ZNF536: variants seen among roughly 807,000 people sequenced by gnomAD.
ZNF536 encodes zinc finger protein 536.
ZNF536 carries 13 observed loss-of-function variants against 84.5 expected under a neutral mutation model. The observed-to-expected ratio is 0.15, with a 90% CI of 0.10 to 0.24. The LOEUF (loss-of-function observed/expected upper bound fraction) is 0.24. ZNF536 is among the 10% of genes least tolerant of loss of function. ZNF536 has a pLI of 1.00. For synonymous variants in ZNF536, 811 were observed against 742.5 expected (o/e 1.09, Z -1.50); for missense variants, 1,536 against 1,747.5 (o/e 0.88, Z 2.16).
chr19:30,586,540 C>T (rs1348610984), intron 1 of ZNF536, among the ~76,000 whole-genome samples: 1 of 152,160 alleles, frequency 6.6e-6, no homozygotes, highest in Admixed American at 6.5e-5. Context: ...CTTTTTCTGC[C>T]TTCCTTTCCC....
downstream of ZNF536, chr19:30,558,099 T>C (rs6510168): frequency 0.18 from 26,959 of 147,114 alleles, 2,529 homozygotes; most frequent in African/African-American, 0.23. Flanking sequence ...TTCCGCAACA[T>C]CCCCCTCACC....
intron 1 of ZNF536, among the ~76,000 whole-genome samples, chr19:30,698,306 A>AT (rs1387614143): frequency 6.6e-6 from 1 of 151,450 alleles, no homozygotes. Context: ...AAAAAAAAAA[A>AT]GTTTGCATAG....
intron 1 of ZNF536, chr19:30,284,056 G>C (rs976367105): frequency 2.6e-5 from 4 of 152,196 alleles, no homozygotes; most frequent in Non-Finnish European, 5.9e-5. Context: ...GTTTCTAACA[G>C]GTCTTATTTT....
At chr19:30,452,558 T>C (rs866138303) in intron 2 of ZNF536, among the ~76,000 whole-genome samples, 1 of 152,194 alleles carries the variant, frequency 6.6e-6, no homozygotes, top group Non-Finnish European at 1.5e-5. Context: ...GTGGGTATAC[T>C]TGGAGACCTA....
intron 2 of ZNF536, among the ~76,000 whole-genome samples, chr19:30,532,528 T>C (rs1244940614): frequency 1.3e-5 from 2 of 152,224 alleles, no homozygotes; most frequent in Non-Finnish European, 2.9e-5. Context: ...TCAACAGTGA[T>C]TGGCCTCCTA....
chr19:30,642,669 G>A (rs576664846), intron 1 of ZNF536, among the ~76,000 whole-genome samples: 3 of 152,154 alleles, frequency 2.0e-5, no homozygotes, highest in East Asian at 1.9e-4. Context: ...GGAGGTCCTC[G>A]ACTCTAGCAA....
intron 2 of ZNF536, among the ~76,000 whole-genome samples, chr19:30,517,467 C>T (rs868552043): frequency 6.6e-6 from 1 of 152,152 alleles, no homozygotes; most frequent in Non-Finnish European, 1.5e-5. Flanking sequence ...GCCCATCAAC[C>T]CTTGCTCTTT....
At chr19:30,480,161 A>T (rs2054014615) in intron 2 of ZNF536, among the ~76,000 whole-genome samples, 1 of 152,164 alleles carries the variant, frequency 6.6e-6, no homozygotes, top group African/African-American at 2.4e-5. Flanking sequence ...CATGGTGCCA[A>T]TTTCACGGGA....
chr19:30,381,504 C>G (rs1392103357), intron 1 of ZNF536, among the ~76,000 whole-genome samples: 2 of 152,166 alleles, frequency 1.3e-5, no homozygotes, highest in African/African-American at 4.8e-5. Context: ...GAAGATGGAG[C>G]CAGGCTTCCA....
At chr19:30,599,530 C>T (rs2047608396) in intron 1 of ZNF536, among the ~76,000 whole-genome samples, 1 of 146,230 alleles carries the variant, frequency 6.8e-6, no homozygotes, top group Non-Finnish European at 1.5e-5. Context: ...TTCCCTCCCC[C>T]AGCCCTTGTC....
chr19:30,448,938 G>A (rs961537498), intron 2 of ZNF536, among the ~76,000 whole-genome samples: 2 of 152,228 alleles, frequency 1.3e-5, no homozygotes, highest in Non-Finnish European at 2.9e-5. Flanking sequence ...AATGTGGGAT[G>A]CAGCTGTTTG....
intron 2 of ZNF536, among the ~76,000 whole-genome samples, chr19:30,498,856 T>C (rs1040301664): frequency 6.6e-6 from 1 of 152,006 alleles, no homozygotes; most frequent in Non-Finnish European, 1.5e-5. Flanking sequence ...CCGGGCACTC[T>C]ACCGGGGGCG....
In ZNF536 at chr19:30,687,479, T is replaced by C. The variant is rs1600268757; in HGVS notation, c.170-23278T>C. ...TGAATTTATTTTACTTGGCACTATT[T>C]ACTTAAATATGGTCCGTTGATAAAG... On this transcript the variant is annotated intron_variant, in intron 1 of 1. Transcript: ENST00000592773. Among the ~76,000 whole-genome samples the C allele has an allele frequency of 3.3e-5, 5 of 152,290 alleles. No homozygotes were observed. The Middle Eastern group carries it at 0.017, about 518-fold the overall frequency.
chr19:30,584,297 C>T (rs374041164), intron 1 of ZNF536, among the ~76,000 whole-genome samples: 11 of 152,198 alleles, frequency 7.2e-5, no homozygotes, highest in Admixed American at 2.0e-4. Flanking sequence ...AGGCAGATAA[C>T]GCCTCTTAGC....
Position 30,588,962 on chromosome 19 carries a change from T to C in ZNF536, c.169+39448T>C, listed in dbSNP as rs76569804. Among the ~76,000 whole-genome samples, 315 of 152,256 alleles carry C rather than the reference T, an allele frequency of 2.1e-3. 8 individuals are homozygous for C. In the East Asian group the frequency reaches 0.053, roughly 26 times the overall value. On this transcript the variant is annotated intron_variant, in intron 1 of 1. Transcript: ENST00000592773. ...TAAAGACAAGCATGTTTTGGAAACA[T>C]TGGGATGTGAGGTGTGGCCAAAAGA...
intron 1 of ZNF536, among the ~76,000 whole-genome samples, chr19:30,391,314 C>T (rs2049578623): frequency 6.6e-6 from 1 of 152,214 alleles, no homozygotes; most frequent in African/African-American, 2.4e-5. Context: ...CAGTGGTGCA[C>T]ACCTGTAATC....
chr19:30,698,604 C>T (rs558060899), intron 1 of ZNF536, among the ~76,000 whole-genome samples: 9 of 152,198 alleles, frequency 5.9e-5, no homozygotes, highest in East Asian at 5.8e-4. Flanking sequence ...TTTTGCAGAA[C>T]GTCCCTCAGT....
intron 2 of ZNF536, among the ~76,000 whole-genome samples, chr19:30,511,749 G>T (rs542457112): frequency 4.6e-5 from 7 of 152,066 alleles, no homozygotes; most frequent in Non-Finnish European, 8.8e-5. Flanking sequence ...TATTTAAGTC[G>T]GATGCTTGGG....
chr19:30,565,584 T>G (rs1475718977), intron 1 of ZNF536, among the ~76,000 whole-genome samples: 1 of 152,210 alleles, frequency 6.6e-6, no homozygotes, highest in African/African-American at 2.4e-5. Flanking sequence ...CTTTTTAAAT[T>G]TTTGTTTTTA....
Sources: gnomAD v4.1 joint callset for allele counts (sites outside exome capture counted in the v4.1 genomes callset) on GRCh38, gnomAD v4.1.1 for gene constraint, MANE v1.5 for transcripts, NCBI Gene and HGNC (gene_info 2026-07-23, HGNC 2026-07-21) for gene names.